CDH23: variants seen among roughly 807,000 people sequenced by gnomAD.
The protein encoded by CDH23 is cadherin related 23.
In CDH23, 189 loss-of-function variants were observed where a neutral mutation model predicts 317.1. The observed-to-expected ratio is 0.60, with a 90% CI of 0.53 to 0.67. The LOEUF (loss-of-function observed/expected upper bound fraction) is 0.67, where lower values mean the gene tolerates loss of function less well. CDH23 is among the 30% of genes least tolerant of loss of function. CDH23 has a pLI of 0.00. For synonymous variants in CDH23, 1,839 were observed against 1,876.8 expected, an observed-to-expected ratio of 0.98 and a Z score of 0.52; for missense variants, 4,401 against 4,592.4, an observed-to-expected ratio of 0.96 and a Z score of 1.20.
chr10:71,588,311 T>G (rs1379759002), intron 9 of CDH23, among the ~76,000 whole-genome samples: 4 of 152,254 alleles, frequency 2.6e-5, no homozygotes, highest in African/African-American at 9.6e-5. Context: ...GAAACCTTCA[T>G]CACAATCCCT....
chr10:71,515,599 A>G (rs1854291420), intron 6 of CDH23, among the ~76,000 whole-genome samples: 1 of 152,026 alleles, frequency 6.6e-6, no homozygotes. Context: ...TTCTGAGCTG[A>G]CTTGGGCATG....
At chr10:71,515,416 A>ACACACG (rs1407120925) in intron 6 of CDH23, among the ~76,000 whole-genome samples, 57 of 149,474 alleles carry the variant, frequency 3.8e-4, no homozygotes, top group Admixed American at 3.6e-3. Context: ...ACACACACAC[A>ACACACG]CACGCACACA....
At chr10:71,735,369 C>T (rs566111533) in intron 34 of CDH23, among the ~76,000 whole-genome samples, 35 of 152,256 alleles carry the variant, frequency 2.3e-4, no homozygotes, top group African/African-American at 8.4e-4. Context: ...AAGAGCCAGA[C>T]AACGTTCCTA....
intron 1 of CDH23, among the ~76,000 whole-genome samples, chr10:71,432,892 G>A (rs7070341): frequency 0.35 from 53,121 of 151,956 alleles, 9,677 homozygotes; most frequent in Middle Eastern, 0.5. Context: ...CCAGAGGACC[G>A]CCGAGGACCC....
chr10:71,725,567 G>C, intron 30 of CDH23, 47 bp downstream of exon 30: 1 of 1,586,848 alleles, frequency 6.3e-7, no homozygotes, highest in East Asian at 2.3e-5. Context: ...ACGGGGCCAA[G>C]CCCACAGCTA....
At chr10:71,676,036 T>C (rs1864353167) in intron 15 of CDH23, among the ~76,000 whole-genome samples, 1 of 151,264 alleles carries the variant, frequency 6.6e-6, no homozygotes, top group South Asian at 2.1e-4. Context: ...GCCTCCTGAG[T>C]AGCTGGGATT....
In CDH23 at chr10:71,759,820, T is replaced by TACACACACACAC. The variant is rs1289055534; in HGVS notation, c.4846-17844_4846-17833dup. ...GAGTGAAACCGTGTTTCAGAAAATA[T>TACACACACACAC]ACACACACACACACACACACACACA... On this transcript the variant is annotated intron_variant, in intron 38 of 69. Coordinates refer to ENST00000224721, the MANE Select transcript of CDH23 (RefSeq NM_022124.6). Among the ~76,000 whole-genome samples the TACACACACACAC allele has an allele frequency of 2.3e-3, 194 of 85,350 alleles. 14 individuals are homozygous for TACACACACACAC. Among genetic ancestry groups the TACACACACACAC allele is most frequent in the African/African-American group, 7.3e-3 (178 of 24,452 alleles). 56.0% of individuals were successfully genotyped at this position (85,350 alleles called of 152,430 possible).
intron 44 of CDH23, 132 bp from the exon 45 acceptor site, chr10:71,788,808 T>C (rs1329918870): frequency 9.6e-6 from 6 of 626,332 alleles, no homozygotes; most frequent in Non-Finnish European, 1.7e-5. Flanking sequence ...AAAATGTGAG[T>C]TCATGTTGGT....
intron 20 of CDH23, 139 bp downstream of exon 20, chr10:71,690,723 C>A: frequency 1.6e-6 from 1 of 616,636 alleles, no homozygotes; most frequent in Non-Finnish European, 2.9e-6. Flanking sequence ...CCAGTGTAAT[C>A]CATGAAATAT....
At chr10:71,437,258 C>T (rs943006632) in intron 1 of CDH23, among the ~76,000 whole-genome samples, 3 of 152,146 alleles carry the variant, frequency 2.0e-5, no homozygotes, top group Non-Finnish European at 4.4e-5. Context: ...ATTTAATTGA[C>T]CCAGCACTCC....
chr10:71,658,702 C>T (rs1415596273), intron 14 of CDH23, among the ~76,000 whole-genome samples: 1 of 152,150 alleles, frequency 6.6e-6, no homozygotes, highest in Non-Finnish European at 1.5e-5. Context: ...AAGCTGGGGC[C>T]CGGAGAGGTG....
chr10:71,482,021 C>T (rs1852095391), intron 3 of CDH23, among the ~76,000 whole-genome samples: 1 of 152,136 alleles, frequency 6.6e-6, no homozygotes, highest in African/African-American at 2.4e-5. Context: ...CCACCCTCCC[C>T]GTCCAGAGCA....
chr10:71,794,191 A>G (rs1266585659), intron 48 of CDH23, among the ~76,000 whole-genome samples: 2 of 152,136 alleles, frequency 1.3e-5, no homozygotes, highest in Non-Finnish European at 2.9e-5. Context: ...TAGTAGAGAC[A>G]TGGTTTCACC....
intron 41 of CDH23, among the ~76,000 whole-genome samples, chr10:71,782,931 CAG>C (rs1374411635): frequency 6.6e-6 from 1 of 152,186 alleles, no homozygotes; most frequent in Non-Finnish European, 1.5e-5. Context: ...TTTTGTACAT[CAG>C]AGTGTTAGGA....
chr10:71,740,983 C>T (rs1390218393), intron 37 of CDH23, 33 bp downstream of exon 37: 2 of 1,613,006 alleles, frequency 1.2e-6, no homozygotes. Flanking sequence ...TATAGCTGGA[C>T]ATACGGGGGG....
intron 14 of CDH23, among the ~76,000 whole-genome samples, chr10:71,658,215 T>TGGC (rs1383158055): frequency 2.6e-5 from 4 of 151,504 alleles, no homozygotes; most frequent in South Asian, 2.1e-4. Flanking sequence ...GAAACCTAAA[T>TGGC]GGCGTGGAGT....
intron 38 of CDH23, among the ~76,000 whole-genome samples, chr10:71,755,717 G>GCTCAGGCAC (rs1332761960): frequency 2.0e-5 from 3 of 152,166 alleles, no homozygotes; most frequent in African/African-American, 7.2e-5. Context: ...AGCTCAGGCA[G>GCTCAGGCAC]CTCCAGGCAA....
chr10:71,770,183 C>T (rs920237582), intron 38 of CDH23, among the ~76,000 whole-genome samples: 2 of 152,216 alleles, frequency 1.3e-5, no homozygotes, highest in East Asian at 1.9e-4. Flanking sequence ...GGCATGTGGC[C>T]TGCAGAAGCC....
chr10:71,810,731 G>C (rs554327436), intron 62 of CDH23, among the ~76,000 whole-genome samples, 162 bp downstream of exon 62: 1 of 152,168 alleles, frequency 6.6e-6, no homozygotes, highest in South Asian at 2.1e-4. Flanking sequence ...AGAGAGCAGA[G>C]TTTGGGGGTA....
Sources: gnomAD v4.1 joint callset for allele counts (sites outside exome capture counted in the v4.1 genomes callset) on GRCh38, gnomAD v4.1.1 for gene constraint, MANE v1.5 for transcripts, NCBI Gene and HGNC (gene_info 2026-07-23, HGNC 2026-07-21) for gene names.